NRXN1: variants seen among roughly 807,000 people sequenced by gnomAD.
The protein encoded by NRXN1 is neurexin-1.
A neutral mutation model predicts 150.9 loss-of-function variants in NRXN1; 39 were observed. The ratio of observed to expected loss-of-function variants is 0.26; its 90% CI spans 0.20 to 0.34. The LOEUF (loss-of-function observed/expected upper bound fraction) is 0.34. NRXN1 is among the 10% of genes least tolerant of loss of function. The pLI, the probability that NRXN1 is intolerant of heterozygous loss-of-function variation, is 1.00. For synonymous variants in NRXN1, 924 were observed against 757.0 expected (o/e 1.22, Z -3.62); for missense variants, 1,815 against 1,949.9 (o/e 0.93, Z 1.30).
At chr2:50,449,185 G>A (rs569510229) in intron 17 of NRXN1, among the ~76,000 whole-genome samples, 2 of 152,174 alleles carry the variant, frequency 1.3e-5, no homozygotes, top group Admixed American at 6.5e-5. Context: ...GTCTTCACTT[G>A]TATAAAACTG....
At chr2:50,366,358 G>C (rs1351755060) in intron 17 of NRXN1, among the ~76,000 whole-genome samples, 5 of 151,832 alleles carry the variant, frequency 3.3e-5, no homozygotes, top group African/African-American at 4.8e-5. Context: ...TTAAAAATCA[G>C]TGACTGTTCA....
chr2:50,038,771 TTTCC>T (rs562881405), intron 21 of NRXN1, among the ~76,000 whole-genome samples: 819 of 67,624 alleles, frequency 0.012, 18 homozygotes, highest in African/African-American at 0.037. Context: ...CCCTCCCTCC[TTTCC>T]TTCCTTCCTT....
intron 5 of NRXN1, among the ~76,000 whole-genome samples, chr2:50,670,481 G>GTAA (rs1688684596): frequency 6.6e-6 from 1 of 151,938 alleles, no homozygotes; most frequent in Non-Finnish European, 1.5e-5. Context: ...AGTACAGACA[G>GTAA]TTACCATGTA....
At chr2:49,992,398 A>AC in intron 21 of NRXN1, among the ~76,000 whole-genome samples, 2 of 133,274 alleles carry the variant, frequency 1.5e-5, no homozygotes, top group Non-Finnish European at 3.3e-5. Context: ...AAAAAAAAAC[A>AC]CCCCAAAAAC....
At chr2:50,996,675 A>G (rs897287670) in intron 2 of NRXN1, among the ~76,000 whole-genome samples, 1 of 152,020 alleles carries the variant, frequency 6.6e-6, no homozygotes, top group Non-Finnish European at 1.5e-5. Context: ...GGAAACCTCC[A>G]TATTACATAA....
chr2:50,649,621 T>C (rs1685319444), intron 5 of NRXN1, among the ~76,000 whole-genome samples: 1 of 152,036 alleles, frequency 6.6e-6, no homozygotes. Flanking sequence ...ACAATGATTT[T>C]TGTGACCCTG....
chr2:50,213,532 G>A (rs1372841296), intron 18 of NRXN1, among the ~76,000 whole-genome samples: 1 of 151,812 alleles, frequency 6.6e-6, no homozygotes, highest in Non-Finnish European at 1.5e-5. Flanking sequence ...GGATCTGGAA[G>A]TTTCGTTAGT....
intron 17 of NRXN1, among the ~76,000 whole-genome samples, chr2:50,375,138 C>T (rs2080388118): frequency 6.6e-6 from 1 of 151,906 alleles, no homozygotes; most frequent in Admixed American, 6.6e-5. Flanking sequence ...TATTGGATGC[C>T]ATTCTAAACA....
chr2:50,097,981 G>A (rs2152706006), intron 18 of NRXN1, among the ~76,000 whole-genome samples: 1 of 152,118 alleles, frequency 6.6e-6, no homozygotes, highest in East Asian at 1.9e-4. Flanking sequence ...GGCCCTCTTG[G>A]CTGGTAGAGA....
intron 21 of NRXN1, among the ~76,000 whole-genome samples, chr2:50,035,062 T>C (rs79084088): frequency 0.016 from 2,388 of 152,256 alleles, 53 homozygotes; most frequent in African/African-American, 0.055. Flanking sequence ...GAAGGGTACA[T>C]AATGCTAAAA....
chr2:50,788,726 A>G (rs1048083640), intron 5 of NRXN1, among the ~76,000 whole-genome samples: 25 of 152,120 alleles, frequency 1.6e-4, no homozygotes, highest in African/African-American at 5.5e-4. Context: ...TGGCAAGCTT[A>G]ACTGTGTGCC....
chr2:50,200,334 G>C (rs944420151), intron 18 of NRXN1, among the ~76,000 whole-genome samples: 1 of 152,026 alleles, frequency 6.6e-6, no homozygotes, highest in African/African-American at 2.4e-5. Context: ...TTTATCTACT[G>C]TCTGGAGTCA....
chr2:50,156,205 T>C lies in NRXN1; in HGVS notation c.3547-64711A>G, dbSNP rs17040015. ...AGTAAAAAAATTAACAGTCATATAATGTAAAATGAATGTGAAGATACCCTG... is the reference window on the plus strand; with the variant it reads ...AGTAAAAAAATTAACAGTCATATAACGTAAAATGAATGTGAAGATACCCTG... On this transcript the variant is annotated intron_variant, in intron 18 of 22. Coordinates refer to ENST00000401669, the MANE Select transcript of NRXN1 (RefSeq NM_001330078.2). 4.5e-3 allele frequency among the ~76,000 whole-genome samples: 682 copies of C among 151,956 alleles called. 4 individuals are homozygous for C. Among genetic ancestry groups the C allele is most frequent in the African/African-American group, 0.015 (631 of 41,534 alleles).
intron 5 of NRXN1, among the ~76,000 whole-genome samples, chr2:50,766,675 G>A (rs148996979): frequency 1.8e-3 from 275 of 152,104 alleles, no homozygotes; most frequent in African/African-American, 6.1e-3. Context: ...TACCACAGCC[G>A]TGCAAATTTT....
chr2:50,075,821 A>C (rs779455218), intron 19 of NRXN1, among the ~76,000 whole-genome samples: 11 of 151,072 alleles, frequency 7.3e-5, no homozygotes, highest in Non-Finnish European at 1.0e-4. Flanking sequence ...CTCTACTTTC[A>C]GGAAATCTGG....
chr2:50,991,718 A>T (rs1397126322), intron 2 of NRXN1, among the ~76,000 whole-genome samples: 1 of 152,044 alleles, frequency 6.6e-6, no homozygotes, highest in East Asian at 1.9e-4. Flanking sequence ...TCCAGAAAAC[A>T]GATTATCTAA....
At chr2:50,805,887 C>T (rs1438201413) in intron 5 of NRXN1, among the ~76,000 whole-genome samples, 1 of 152,070 alleles carries the variant, frequency 6.6e-6, no homozygotes, top group African/African-American at 2.4e-5. Flanking sequence ...CTTCCTTAGT[C>T]TCCAGGCTTT....
At chr2:50,101,791 A>G (rs1701015180) in intron 18 of NRXN1, among the ~76,000 whole-genome samples, 1 of 152,028 alleles carries the variant, frequency 6.6e-6, no homozygotes, top group African/African-American at 2.4e-5. Context: ...GTGAATCATG[A>G]CTTGCAACCT....
At chr2:49,930,216 T>C (rs765353792) in intron 22 of NRXN1, among the ~76,000 whole-genome samples, 27 of 152,188 alleles carry the variant, frequency 1.8e-4, no homozygotes, top group African/African-American at 2.9e-4. Flanking sequence ...ACAGAGACTG[T>C]AGACTATGGA....
Sources: gnomAD v4.1 joint callset for allele counts (sites outside exome capture counted in the v4.1 genomes callset) on GRCh38, gnomAD v4.1.1 for gene constraint, MANE v1.5 for transcripts, NCBI Gene and HGNC (gene_info 2026-07-23, HGNC 2026-07-21) for gene names.